Variants in NUMB observed in about 807,000 individuals in gnomAD.
NUMB encodes the protein NUMB endocytic adaptor protein.
A neutral mutation model predicts 59.7 loss-of-function variants in NUMB; 29 were observed. The observed-to-expected ratio is 0.49, with a 90% CI of 0.36 to 0.66. The LOEUF is 0.66. NUMB is among the 30% of genes least tolerant of loss of function. The pLI, the probability that NUMB is intolerant of heterozygous loss-of-function variation, is 0.00. For missense variants in NUMB, 723 were observed against 822.0 expected (o/e 0.88, Z 1.47); for synonymous variants, 288 against 288.2 (o/e 1.00, Z 0.01).
At chr14:73,286,955 G>A (rs754812045) in intron 9 of NUMB, 155 bp downstream of exon 9, 8 of 698,466 alleles carry the variant, frequency 1.1e-5, no homozygotes, top group Non-Finnish European at 1.7e-5. Flanking sequence ...CCACTCTAAA[G>A]GAAGCGGTTT....
At chr14:73,278,885 G>A (rs1040190852) in intron 12 of NUMB, among the ~76,000 whole-genome samples, 15 of 151,948 alleles carry the variant, frequency 9.9e-5, no homozygotes, top group African/African-American at 3.1e-4. Flanking sequence ...ATGCCACCGC[G>A]CCTGGCTAAT....
intron 5 of NUMB, chr14:73,322,661 CA>C (rs1891465839): frequency 6.6e-6 from 1 of 152,172 alleles, no homozygotes; most frequent in African/African-American, 2.4e-5. Context: ...TTAACTGTAA[CA>C]GTTTAATCCT....
At chr14:73,446,336 G>A (rs12894843) in intron 1 of NUMB, among the ~76,000 whole-genome samples, 4 of 151,970 alleles carry the variant, frequency 2.6e-5, no homozygotes, top group Non-Finnish European at 4.4e-5. Flanking sequence ...AACTGGGCGC[G>A]GTGGCTCACG....
At chr14:73,283,432 C>T (rs546577473) in intron 10 of NUMB, among the ~76,000 whole-genome samples, 5 of 145,664 alleles carry the variant, frequency 3.4e-5, no homozygotes, top group South Asian at 4.4e-4. Flanking sequence ...TAGAGCCCAA[C>T]AAAAGCACTG....
chr14:73,431,020 G>A (rs1470538379), intron 1 of NUMB, among the ~76,000 whole-genome samples: 4 of 151,874 alleles, frequency 2.6e-5, no homozygotes, highest in African/African-American at 4.8e-5. Flanking sequence ...GTACAGTAGC[G>A]CAATCTTGGC....
intron 4 of NUMB, among the ~76,000 whole-genome samples, chr14:73,341,621 T>C (rs905485690): frequency 1.3e-5 from 2 of 152,094 alleles, no homozygotes; most frequent in Non-Finnish European, 2.9e-5. Context: ...ACAGGTAGGA[T>C]CACAGACCCC....
chr14:73,276,081 A>G lies in NUMB; in HGVS notation c.*497T>C, dbSNP rs530435059. ...ATATAGCTCTGCTGGGCAGTTGCTGATATGCCCTCCTGGGAATTCTGGCAG... is the reference window on the plus strand; with the variant it reads ...ATATAGCTCTGCTGGGCAGTTGCTGGTATGCCCTCCTGGGAATTCTGGCAG... On this transcript the variant is annotated 3_prime_UTR_variant, in exon 13 of 13. Coordinates refer to ENST00000555238, the MANE Select transcript of NUMB (RefSeq NM_001005743.2). The G allele has an allele frequency of 6.5e-6, 1 of 154,048 alleles. No individual in the cohort carries two copies. Among genetic ancestry groups the G allele is most frequent in the East Asian group, 1.9e-4 (1 of 5,210 alleles). The allele number at this position is 154,048 out of a possible 1,614,324, so 9.5% of individuals were successfully genotyped here. A position where few individuals can be genotyped will look rare whatever the true frequency, so the allele number is the denominator to read the frequency against.
intron 6 of NUMB, among the ~76,000 whole-genome samples, chr14:73,309,807 G>A (rs2139884050): frequency 6.6e-6 from 1 of 150,468 alleles, no homozygotes; most frequent in Non-Finnish European, 1.5e-5. Flanking sequence ...TTGTCATAGA[G>A]GAGAAAATTT....
chr14:73,383,124 T>C (rs1895332365), intron 2 of NUMB, among the ~76,000 whole-genome samples: 1 of 152,172 alleles, frequency 6.6e-6, no homozygotes, highest in Admixed American at 6.5e-5. Context: ...CCAGCCTCAG[T>C]GACAGATCAA....
intron 1 of NUMB, among the ~76,000 whole-genome samples, chr14:73,414,813 G>A (rs1311909669): frequency 2.6e-5 from 4 of 151,950 alleles, no homozygotes; most frequent in African/African-American, 4.8e-5. Flanking sequence ...TCCGCCTCCC[G>A]GGTTCACGCT....
chr14:73,344,256 A>T (rs1434272763), intron 4 of NUMB, among the ~76,000 whole-genome samples: 1 of 152,180 alleles, frequency 6.6e-6, no homozygotes, highest in Non-Finnish European at 1.5e-5. Flanking sequence ...CTTTGCACCA[A>T]AATCTTCTGA....
intron 6 of NUMB, among the ~76,000 whole-genome samples, chr14:73,300,379 G>C (rs554519269): frequency 6.6e-6 from 1 of 152,230 alleles, no homozygotes; most frequent in African/African-American, 2.4e-5. Context: ...TCACTCTGGA[G>C]AACCATAAAT....
At chr14:73,297,891 AT>A (rs199509703) in intron 6 of NUMB, 58 of 147,338 alleles carry the variant, frequency 3.9e-4, no homozygotes, top group Admixed American at 5.4e-4. Flanking sequence ...TTTCCTAATA[AT>A]TTTTTTTTTT....
chr14:73,449,328 T>A (rs1003185299), intron 1 of NUMB, among the ~76,000 whole-genome samples: 1 of 152,156 alleles, frequency 6.6e-6, no homozygotes, highest in African/African-American at 2.4e-5. Flanking sequence ...CCCCCACTGA[T>A]ACCTGTATTT....
At chr14:73,363,593 C>A (rs139426679) in intron 3 of NUMB, among the ~76,000 whole-genome samples, 1 of 152,174 alleles carries the variant, frequency 6.6e-6, no homozygotes, top group African/African-American at 2.4e-5. Context: ...ATACCAAAAC[C>A]AACTAAGGAC....
intron 4 of NUMB, among the ~76,000 whole-genome samples, chr14:73,329,574 C>A (rs982290328): frequency 2.0e-5 from 3 of 152,092 alleles, no homozygotes; most frequent in Admixed American, 6.5e-5. Flanking sequence ...TGAGTGTATA[C>A]GCAAAGTGTT....
At chr14:73,328,035 G>C (rs1183981402) in intron 4 of NUMB, among the ~76,000 whole-genome samples, 6 of 152,198 alleles carry the variant, frequency 3.9e-5, no homozygotes, top group African/African-American at 1.4e-4. Context: ...AGCACTTTGG[G>C]AGGTGGAGGC....
chr14:73,331,351 C>T (rs1891964062), intron 4 of NUMB, among the ~76,000 whole-genome samples: 1 of 152,118 alleles, frequency 6.6e-6, no homozygotes, highest in Non-Finnish European at 1.5e-5. Context: ...CAAGACCATC[C>T]TGGCTAACAC....
At chr14:73,429,764 GA>G (rs1219413876) in intron 1 of NUMB, among the ~76,000 whole-genome samples, 14 of 152,192 alleles carry the variant, frequency 9.2e-5, no homozygotes, top group Non-Finnish European at 1.8e-4. Context: ...CCAACATGGT[GA>G]AACCCCGTCT....
Sources: gnomAD v4.1 joint callset for allele counts (sites outside exome capture counted in the v4.1 genomes callset) on GRCh38, gnomAD v4.1.1 for gene constraint, MANE v1.5 for transcripts, NCBI Gene and HGNC (gene_info 2026-07-23, HGNC 2026-07-21) for gene names.